SNX1: variants seen among roughly 807,000 people sequenced by gnomAD.
The protein encoded by SNX1 is sorting nexin-1.
Under a neutral mutation model 71.8 loss-of-function variants are expected in SNX1, and 36 were observed. The observed-to-expected ratio is 0.50, with a 90% CI of 0.38 to 0.66. The LOEUF is 0.66. Ranked by LOEUF, SNX1 falls within the 30% of genes least tolerant of loss-of-function variation. The pLI is 0.00. For synonymous variants in SNX1, 254 were observed against 240.7 expected (o/e 1.06, Z -0.51); for missense variants, 612 against 646.7 (o/e 0.95, Z 0.58).
intron 6 of SNX1, 64 bp downstream of exon 6, chr15:64,126,284 C>T (rs2290121): frequency 0.75 from 1,154,152 of 1,537,728 alleles, 441,968 homozygotes; most frequent in East Asian, 0.81. Context: ...AAAATTCACT[C>T]ACTGTTCAGT....
At chr15:64,118,332 A>G in intron 3 of SNX1, 88 bp downstream of exon 3, 1 of 1,384,432 alleles carries the variant, frequency 7.2e-7, no homozygotes, top group Non-Finnish European at 9.8e-7. Flanking sequence ...ATGAACCTTG[A>G]GAAAATATTT....
At position 64,104,754 on chromosome 15, in the gene SNX1, G is replaced by A. The variant is rs184963940; in HGVS notation, c.160-7819G>A. Among the ~76,000 whole-genome samples the A allele has an allele frequency of 2.5e-3, 376 of 151,770 alleles. 2 individuals are homozygous for A. The highest frequency in any genetic ancestry group is 8.8e-3 in the African/African-American group (365 of 41,434). On this transcript the variant is annotated intron_variant, in intron 1 of 14. Coordinates refer to ENST00000559844, the MANE Select transcript of SNX1 (RefSeq NM_003099.5). ...ACAAAATTTAGCTGGGTGTGACAACGCATGTCTGTAATCCCAGCTACTTGG... is the reference window on the plus strand; with the variant it reads ...ACAAAATTTAGCTGGGTGTGACAACACATGTCTGTAATCCCAGCTACTTGG...
chr15:64,127,329 C>G, intron 7 of SNX1, 77 bp downstream of exon 7: 2 of 1,113,282 alleles, frequency 1.8e-6, no homozygotes, highest in Non-Finnish European at 2.7e-6. Context: ...AATGACGAGA[C>G]AGTCCATTGA....
Position 64,129,858 on chromosome 15 carries a change from C to A in SNX1, c.808-58C>A. 1 of 1,259,788 alleles carries A rather than the reference C, an allele frequency of 7.9e-7. No homozygotes were observed. The highest frequency in any genetic ancestry group is 1.2e-6 in the Non-Finnish European group (1 of 858,526). The allele number at this position is 1,259,788 out of a possible 1,614,324, so 78.0% of individuals were successfully genotyped here. ...TGCCATCTGATGGATACTAATTCTTCTGAACCTAAAATAGGGGCAGCAGAT... is the reference window on the plus strand; with the variant it reads ...TGCCATCTGATGGATACTAATTCTTATGAACCTAAAATAGGGGCAGCAGAT... On this transcript the variant is annotated intron_variant, in intron 8 of 14. Coordinates refer to ENST00000559844, the MANE Select transcript of SNX1 (RefSeq NM_003099.5). The surrounding 1 kb of genome is among the most constrained non-coding windows in gnomAD (Gnocchi z 4.4).
intron 1 of SNX1, among the ~76,000 whole-genome samples, chr15:64,098,290 T>C (rs1217536561): frequency 6.6e-6 from 1 of 152,240 alleles, no homozygotes; most frequent in Non-Finnish European, 1.5e-5. Flanking sequence ...ATGTGCAGAC[T>C]GAGAATATGA....
chr15:64,118,166 G>C lies in SNX1; in HGVS notation c.321G>C (p.Lys107Asn). The change falls in exon 3 of 15, where the codon AAG (lysine) becomes AAC (asparagine). Residue 107 changes from lysine (K) to asparagine (N), a missense_variant. Physicochemically the swap from Lys to Asn is moderately conservative, Grantham distance 94. Around this residue, in one of 2 missense-constraint regions of SNX1, gnomAD observed 316 missense variants for 284.9 expected, o/e 1.11. Coordinates refer to ENST00000559844, the MANE Select transcript of SNX1 (RefSeq NM_003099.5). ...SLDSTQNNQKKVLAKTLISLP... is the reference protein window; with the variant it reads ...SLDSTQNNQKNVLAKTLISLP... ...ACAGCACACAAAATAATCAGAAGAA[G>C]GTGCTAGCCAAAACACTCATTTCTC... The C allele has an allele frequency of 6.8e-6, 11 of 1,612,296 alleles. No homozygotes were observed. The highest frequency in any genetic ancestry group is 9.3e-6 in the Non-Finnish European group (11 of 1,179,564).
At chr15:64,132,186 G>C (rs763555304) in intron 11 of SNX1, among the ~76,000 whole-genome samples, 1 of 152,202 alleles carries the variant, frequency 6.6e-6, no homozygotes, top group African/African-American at 2.4e-5. Flanking sequence ...AGTGTCTTCT[G>C]TGGTCCTTTC....
intron 1 of SNX1, among the ~76,000 whole-genome samples, chr15:64,110,300 A>T (rs16947778): frequency 0.075 from 11,343 of 152,220 alleles, 1,322 homozygotes; most frequent in African/African-American, 0.25. Flanking sequence ...GATTTTTGGG[A>T]TGGAGTCCCA....
Position 64,138,231 on chromosome 15 carries a change from AG to A in SNX1, c.*616del, listed in dbSNP as rs2081381519. 6.8e-7 allele frequency: 1 copy of A among 1,480,690 alleles called. No homozygotes were observed. Among genetic ancestry groups the A allele is most frequent in the Non-Finnish European group, 8.9e-7 (1 of 1,125,674 alleles). The allele number at this position is 1,480,690 out of a possible 1,614,324, so 91.7% of individuals were successfully genotyped here. A position where few individuals can be genotyped will look rare whatever the true frequency, so the allele number is the denominator to read the frequency against. ...ATCTGTTTCGTATTCCCACTTCTTTAGGGAAGGAGTTTTAAAAACATCTCTT... is the reference window on the plus strand; with the variant it reads ...ATCTGTTTCGTATTCCCACTTCTTTAGGAAGGAGTTTTAAAAACATCTCTT... On this transcript the variant is annotated 3_prime_UTR_variant, in exon 15 of 15. Transcript: ENST00000559844.
chr15:64,112,485 C>G, intron 1 of SNX1, 88 bp from the exon 2 acceptor site: 1 of 746,774 alleles, frequency 1.3e-6, no homozygotes, highest in Non-Finnish European at 2.2e-6. Flanking sequence ...CTGGTGGCAA[C>G]TGAGGGAGGC....
intron 1 of SNX1, among the ~76,000 whole-genome samples, chr15:64,104,884 T>TAA (rs35090758): frequency 8.8e-5 from 11 of 125,630 alleles, no homozygotes; most frequent in African/African-American, 2.4e-4. Flanking sequence ...GACTTGATCT[T>TAA]AAAAAAAAAA....
intron 10 of SNX1, among the ~76,000 whole-genome samples, chr15:64,130,566 C>T (rs2081296681): frequency 6.6e-6 from 1 of 152,220 alleles, no homozygotes; most frequent in Non-Finnish European, 1.5e-5. Context: ...CCAGATACAG[C>T]ATGACCTGGG....
chr15:64,116,665 AC>A (rs1458774444), intron 2 of SNX1, among the ~76,000 whole-genome samples: 2 of 152,238 alleles, frequency 1.3e-5, no homozygotes, highest in Non-Finnish European at 2.9e-5. Flanking sequence ...TAGAATACTT[AC>A]TGATCAGACC....
intron 2 of SNX1, among the ~76,000 whole-genome samples, chr15:64,114,248 G>A (rs1406568410): frequency 2.6e-5 from 4 of 152,138 alleles, no homozygotes; most frequent in African/African-American, 7.2e-5. Flanking sequence ...GTTCAAGAAT[G>A]AAATAGCAAA....
intron 10 of SNX1, 93 bp from the exon 11 acceptor site, chr15:64,131,591 GGGC>G: frequency 8.8e-7 from 1 of 1,140,980 alleles, no homozygotes; most frequent in Non-Finnish European, 1.3e-6. Flanking sequence ...GATATGCAGT[GGGC>G]GGCATTGCTA....
At chr15:64,116,706 T>C (rs908656146) in intron 2 of SNX1, among the ~76,000 whole-genome samples, 1 of 152,224 alleles carries the variant, frequency 6.6e-6, no homozygotes, top group African/African-American at 2.4e-5. Flanking sequence ...TGTTTTCTGT[T>C]ACTAAAAAAG....
At chr15:64,135,567 C>G (rs2081350535) in intron 12 of SNX1, among the ~76,000 whole-genome samples, 1 of 151,070 alleles carries the variant, frequency 6.6e-6, no homozygotes, top group Admixed American at 6.6e-5. Flanking sequence ...ACCATCTTGG[C>G]CAACATGGTG....
intron 11 of SNX1, among the ~76,000 whole-genome samples, chr15:64,133,568 A>G (rs999438502): frequency 1.3e-5 from 2 of 152,066 alleles, no homozygotes; most frequent in African/African-American, 4.8e-5. Context: ...CATCTCTACT[A>G]AAAATACAAA....
chr15:64,131,870 T>A lies in SNX1; in HGVS notation c.1199T>A (p.Ile400Asn), dbSNP rs760911076. ...FLLAELLSDY[I>N]RLLAIVRAAF... ...CTTGCTGAGCTCCTGAGTGACTACA[T>A]TCGCCTCCTGGCCATAGTCCGCGTA... The change falls in exon 11 of 15, where the codon ATT (isoleucine) becomes AAT (asparagine). Residue 400 changes from isoleucine to asparagine, a missense_variant. By Grantham distance (149) the Ile-to-Asn change is moderately radical. Transcript: ENST00000559844. The A allele has an allele frequency of 5.6e-6, 9 of 1,614,120 alleles. No homozygotes were observed. The African/African-American group carries it at 1.1e-4, about 19-fold the overall frequency.
Sources: gnomAD v4.1 joint callset for allele counts (sites outside exome capture counted in the v4.1 genomes callset) on GRCh38, gnomAD v4.1.1 for gene constraint, gnomAD v4.1.1 regional missense constraint, Gnocchi (gnomAD v3.1) non-coding constraint, MANE v1.5 for transcripts, NCBI Gene and HGNC (gene_info 2026-07-23, HGNC 2026-07-21) for gene names.